ZNF607: variants seen among roughly 807,000 people sequenced by gnomAD.
The protein encoded by ZNF607 is zinc finger protein 607.
ZNF607 carries 5 observed loss-of-function variants against 12.8 expected under a neutral mutation model. The ratio of observed to expected loss-of-function variants is 0.39; its 90% CI spans 0.20 to 0.82. ZNF607 has a LOEUF of 0.82. Among genes scored for constraint, ZNF607 ranks in the 40% least tolerant of loss-of-function variants. ZNF607 has a pLI of 0.39. For missense variants in ZNF607, 851 were observed against 859.2 expected, an observed-to-expected ratio of 0.99 and a Z score of 0.12; for synonymous variants, 287 against 276.2, an observed-to-expected ratio of 1.04 and a Z score of -0.39.
At chr19:37,713,279 T>C (rs1320888321) in intron 1 of ZNF607, among the ~76,000 whole-genome samples, 7 of 152,094 alleles carry the variant, frequency 4.6e-5, no homozygotes, top group Non-Finnish European at 7.4e-5. Context: ...ACAGACTCTA[T>C]CACACACTGC....
intron 4 of ZNF607, chr19:37,706,400 G>C (rs1217375260): frequency 1.3e-5 from 2 of 152,318 alleles, no homozygotes; most frequent in African/African-American, 4.8e-5. Context: ...CAAAGTTTGA[G>C]GTTCGTCTGC....
At position 37,699,145 on chromosome 19, in the gene ZNF607, C is replaced by T. The variant is rs1041881636; in HGVS notation, c.986G>A (p.Arg329Lys). The T allele has an allele frequency of 6.2e-7, 1 of 1,614,186 alleles. No homozygotes were observed. Among genetic ancestry groups the T allele is most frequent in the Non-Finnish European group, 8.5e-7 (1 of 1,180,020 alleles). The change falls in exon 5 of 5, where the codon AGA (arginine) becomes AAA (lysine). Residue 329 changes from arginine (R) to lysine (K), a missense_variant. Coordinates refer to ENST00000355202, the MANE Select transcript of ZNF607 (RefSeq NM_032689.5). ...ATAGTGTTTCTCCCCTGAATAAATT[C>T]TCTGATGCATGGTAAGTTGATACCT... is the stretch of plus-strand genomic sequence containing the variant. ...TCRYQLTMHQ[R>K]IYSGEKHYEC... is the part of the protein sequence containing the mutation.
rs746868489 is a variant in ZNF607, at chr19:37,697,276, G to A, written c.*764C>T. 75 of 825,894 alleles carry A rather than the reference G, an allele frequency of 9.1e-5. No individual in the cohort carries two copies. The highest frequency in any genetic ancestry group is 5.7e-5 in the Non-Finnish European group (27 of 470,116). The allele number at this position is 825,894 out of a possible 1,614,324, so 51.2% of individuals were successfully genotyped here. A position where few individuals can be genotyped will look rare whatever the true frequency, so the allele number is the denominator to read the frequency against. The stretch of plus-strand genomic sequence containing the variant: ...CCTACCACAATGTTCTGTACTCCAC[G>A]GAATTGGTCAAAGATGGCAGCTCTG... On this transcript the variant is annotated 3_prime_UTR_variant, in exon 5 of 5. Transcript: ENST00000355202.
intron 1 of ZNF607, among the ~76,000 whole-genome samples, chr19:37,712,967 T>A (rs952038782): frequency 6.6e-6 from 1 of 152,108 alleles, no homozygotes; most frequent in African/African-American, 2.4e-5. Flanking sequence ...TGGATGATGG[T>A]CTCAATACAG....
intron 4 of ZNF607, 33 bp downstream of exon 4, chr19:37,707,880 CA>C (rs2045099074): frequency 1.3e-6 from 2 of 1,555,862 alleles, no homozygotes; most frequent in Admixed American, 1.8e-5. Context: ...TATTTGCATA[CA>C]AAAATGGCTG....
Position 37,699,108 on chromosome 19 carries a change from T to C in ZNF607, c.1023A>G (p.Glu341=). 6.2e-7 allele frequency: 1 copy of C among 1,614,142 alleles called. No individual in the cohort carries two copies. The highest frequency in any genetic ancestry group is 8.5e-7 in the Non-Finnish European group (1 of 1,180,016). The change falls in exon 5 of 5, where the codon GAA becomes GAG. Residue 341 remains glutamate (E), a synonymous_variant. Transcript: ENST00000355202. The part of the protein sequence containing the change: ...YSGEKHYECK[E]NGEAFSSGHQ... ...GGCCACTACTAAAAGCCTCCCCATTTTCTTTACATTCATAGTGTTTCTCCC... is the reference window on the plus strand; with the variant it reads ...GGCCACTACTAAAAGCCTCCCCATTCTCTTTACATTCATAGTGTTTCTCCC...
intron 4 of ZNF607, among the ~76,000 whole-genome samples, chr19:37,705,359 A>G (rs2045072564): frequency 1.3e-5 from 2 of 152,196 alleles, no homozygotes; most frequent in African/African-American, 4.8e-5. Flanking sequence ...GAACACTACC[A>G]TCCAGTAAAT....
chr19:37,706,774 T>C (rs1405509369), intron 4 of ZNF607, among the ~76,000 whole-genome samples: 1 of 152,104 alleles, frequency 6.6e-6, no homozygotes, highest in Admixed American at 6.6e-5. Flanking sequence ...CACTGCAACC[T>C]CTACTTCCAA....
intron 3 of ZNF607, 59 bp downstream of exon 3, chr19:37,709,637 T>C: frequency 6.4e-7 from 1 of 1,555,704 alleles, no homozygotes. Flanking sequence ...AAAAAGAATG[T>C]ATCCTACGAA....
chr19:37,699,022 C>T lies in ZNF607; in HGVS notation c.1109G>A (p.Cys370Tyr). Reference protein sequence around the residue: ...SVEKPYKCEECGKAFSVHGRL... With the variant: ...SVEKPYKCEEYGKAFSVHGRL... ...TCCATGCACACTAAAGGCTTTCCCA[C>T]ATTCCTCACACTTATAAGGTTTCTC... is the stretch of plus-strand genomic sequence containing the variant. Residue 370 changes from cysteine to tyrosine, a missense_variant, in exon 5 of 5, where the codon TGT becomes TAT. Coordinates refer to ENST00000355202, the MANE Select transcript of ZNF607 (RefSeq NM_032689.5). 6.2e-7 allele frequency: 1 copy of T among 1,614,010 alleles called. No homozygotes were observed. The highest frequency in any genetic ancestry group is 8.5e-7 in the Non-Finnish European group (1 of 1,180,008).
At position 37,699,389 on chromosome 19, in the gene ZNF607, T is replaced by C. The variant is rs2145224559; in HGVS notation, c.742A>G (p.Thr248Ala). 1 of 1,614,132 alleles carries C rather than the reference T, an allele frequency of 6.2e-7. No homozygotes were observed. The highest frequency in any genetic ancestry group is 2.2e-5 in the East Asian group (1 of 44,874). The change falls in exon 5 of 5, where the codon ACT becomes GCT. Residue 248 changes from threonine (T) to alanine (A), a missense_variant. Coordinates refer to ENST00000355202, the MANE Select transcript of ZNF607 (RefSeq NM_032689.5). ...TTACATTCAAAGGGCTTCTCACCAG[T>C]GTGAATACTCTGATGTCGACTAAGT... Reference protein sequence around the residue: ...GRLSRHQSIHTGEKPFECNKC... With the variant: ...GRLSRHQSIHAGEKPFECNKC...
chr19:37,705,522 T>C (rs550900414), intron 4 of ZNF607, among the ~76,000 whole-genome samples: 75 of 151,900 alleles, frequency 4.9e-4, no homozygotes, highest in African/African-American at 1.7e-3. Flanking sequence ...CTGTCTCTAC[T>C]AAAAATACAA....
At chr19:37,710,560 C>T (rs1430718393) in intron 2 of ZNF607, among the ~76,000 whole-genome samples, 1 of 151,886 alleles carries the variant, frequency 6.6e-6, no homozygotes, top group African/African-American at 2.4e-5. Context: ...GCATACAGAC[C>T]AGAAATCTAT....
intron 4 of ZNF607, among the ~76,000 whole-genome samples, chr19:37,703,212 G>C (rs922995076): frequency 3.3e-5 from 5 of 150,960 alleles, no homozygotes; most frequent in African/African-American, 1.2e-4. Context: ...GCCTCCCAGA[G>C]TGATGAGATT....
At position 37,699,529 on chromosome 19, in the gene ZNF607, T is replaced by G. The variant is rs1209229334; in HGVS notation, c.602A>C (p.Glu201Ala). 1 of 1,614,058 alleles carries G rather than the reference T, an allele frequency of 6.2e-7. No individual in the cohort carries two copies. Among genetic ancestry groups the G allele is most frequent in the Non-Finnish European group, 8.5e-7 (1 of 1,179,982 alleles). The change falls in exon 5 of 5, where the codon GAG (glutamate) becomes GCG (alanine). Residue 201 changes from glutamate to alanine, a missense_variant. By Grantham distance (107) the Glu-to-Ala change is moderately radical. Coordinates refer to ENST00000355202, the MANE Select transcript of ZNF607 (RefSeq NM_032689.5). ...VHVEKPYECKECGEAFRTSRQ... is the reference protein window; with the variant it reads ...VHVEKPYECKACGEAFRTSRQ... ...GCTAGTCCTAAAAGCTTCCCCACAC[T>G]CTTTACATTCATAGGGTTTCTCAAC...
intron 1 of ZNF607, among the ~76,000 whole-genome samples, chr19:37,714,472 C>A (rs543101355): frequency 6.6e-6 from 1 of 150,574 alleles, no homozygotes; most frequent in East Asian, 2.0e-4. Context: ...GGCTGAGGCA[C>A]CAGATTCGCT....
intron 1 of ZNF607, among the ~76,000 whole-genome samples, 154 bp from the exon 2 acceptor site, chr19:37,711,846 C>G (rs2045136204): frequency 6.6e-6 from 1 of 152,124 alleles, no homozygotes; most frequent in African/African-American, 2.4e-5. Flanking sequence ...AACCCATTTC[C>G]TCCCCCACTA....
At chr19:37,711,476 G>C in intron 2 of ZNF607, 134 bp downstream of exon 2, 1 of 887,930 alleles carries the variant, frequency 1.1e-6, no homozygotes, top group Non-Finnish European at 1.8e-6. Context: ...ATATTTTACT[G>C]GAAGAATGAG....
intron 1 of ZNF607, among the ~76,000 whole-genome samples, chr19:37,712,815 A>T (rs1382932467): frequency 6.6e-6 from 1 of 152,126 alleles, no homozygotes; most frequent in Admixed American, 6.5e-5. Context: ...CTAAATTTAA[A>T]ATCATCTTAC....
Sources: allele counts gnomAD v4.1 joint callset (sites outside exome capture counted in the v4.1 genomes callset), GRCh38; gene constraint gnomAD v4.1.1; transcripts MANE v1.5; gene names NCBI Gene and HGNC (gene_info 2026-07-23, HGNC 2026-07-21).